HTR2C: variants seen among roughly 807,000 people sequenced by gnomAD.
HTR2C encodes the protein 5-hydroxytryptamine (serotonin) receptor 2C, G protein-coupled.
Under a neutral mutation model 21.0 loss-of-function variants are expected in HTR2C, and 5 were observed. That is an observed-to-expected ratio of 0.24 (90% confidence interval 0.12 to 0.50). HTR2C has a LOEUF of 0.50. Among genes scored for constraint, HTR2C ranks in the 20% least tolerant of loss-of-function variants. The pLI is 0.98. For missense variants in HTR2C, 271 were observed against 371.2 expected (o/e 0.73, Z 2.22); for synonymous variants, 150 against 145.3 (o/e 1.03, Z -0.23).
chrX:114,772,488 G>GC (rs2070015467), intron 4 of HTR2C, among the ~76,000 whole-genome samples: 1 of 6,439 alleles, frequency 1.6e-4, no homozygotes, highest in Admixed American at 3.4e-3. Flanking sequence ...GGGGCGTGGT[G>GC]GGGGGGCCTT....
intron 2 of HTR2C, among the ~76,000 whole-genome samples, chrX:114,702,625 A>G (rs1183614644): frequency 9.9e-5 from 11 of 111,563 alleles, no homozygotes; most frequent in Non-Finnish European, 2.1e-4. Flanking sequence ...TCTAAAGACC[A>G]TCGAGGCTAG....
intron 5 of HTR2C, 21 bp downstream of exon 5, chrX:114,848,224 A>G (rs1602873827): frequency 8.9e-7 from 1 of 1,129,361 alleles, no homozygotes; most frequent in Non-Finnish European, 1.2e-6. Flanking sequence ...CTTTTTGGCC[A>G]TAAGAATTGC....
intron 4 of HTR2C, among the ~76,000 whole-genome samples, chrX:114,834,785 A>G (rs1435481019): frequency 9.6e-6 from 1 of 104,037 alleles, no homozygotes; most frequent in African/African-American, 3.5e-5. Flanking sequence ...TAGTTGATGC[A>G]GTTTCTTCCT....
chrX:114,712,898 T>A (rs1932912497), intron 2 of HTR2C, among the ~76,000 whole-genome samples: 1 of 111,864 alleles, frequency 8.9e-6, no homozygotes, highest in Non-Finnish European at 1.9e-5. Flanking sequence ...GGAAAAGACA[T>A]CATCATTATT....
chrX:114,644,244 G>A (rs1221309735), intron 2 of HTR2C, among the ~76,000 whole-genome samples: 2 of 103,695 alleles, frequency 1.9e-5, no homozygotes, highest in African/African-American at 3.5e-5. Flanking sequence ...TACTCAGGAG[G>A]CTGAGGCAGG....
At chrX:114,798,052 G>A (rs1212698472) in intron 4 of HTR2C, among the ~76,000 whole-genome samples, 1 of 65,513 alleles carries the variant, frequency 1.5e-5, no homozygotes, top group Non-Finnish European at 3.1e-5. Context: ...AGTAGTATTA[G>A]TATTAACATT....
chrX:114,644,834 A>G (rs1328925271), intron 2 of HTR2C, among the ~76,000 whole-genome samples: 1 of 111,057 alleles, frequency 9.0e-6, no homozygotes, highest in Non-Finnish European at 1.9e-5. Context: ...TTAGTTCTTA[A>G]TGCTGAGTTT....
intron 5 of HTR2C, among the ~76,000 whole-genome samples, chrX:114,896,776 C>T (rs1456739752): frequency 8.9e-6 from 1 of 111,906 alleles, no homozygotes; most frequent in Non-Finnish European, 1.9e-5. Flanking sequence ...GATCATCTTT[C>T]TCTTTTATCT....
At chrX:114,663,921 A>T (rs1189745864) in intron 2 of HTR2C, among the ~76,000 whole-genome samples, 10 of 111,643 alleles carry the variant, frequency 9.0e-5, no homozygotes, top group Non-Finnish European at 7.5e-5. Context: ...TCCACTAAAT[A>T]GTTTAGTTTG....
At chrX:114,717,610 T>C (rs1933030485) in intron 2 of HTR2C, 1 of 111,298 alleles carries the variant, frequency 9.0e-6, no homozygotes, top group Non-Finnish European at 1.9e-5. Context: ...GAATAAAAAG[T>C]AGTGTGAGAG....
At chrX:114,722,774 A>G (rs1369145661) in intron 2 of HTR2C, among the ~76,000 whole-genome samples, 5 of 107,770 alleles carry the variant, frequency 4.6e-5, no homozygotes, top group African/African-American at 6.7e-5. Context: ...TGAGATAATC[A>G]TGTGGTTTTT....
At chrX:114,852,824 G>C (rs1460665724) in intron 5 of HTR2C, among the ~76,000 whole-genome samples, 1 of 109,260 alleles carries the variant, frequency 9.2e-6, no homozygotes, top group Non-Finnish European at 1.9e-5. Context: ...ATGTGTGTCT[G>C]TCTTGTGTGT....
rs150332049 is a variant in HTR2C, at chrX:114,824,868, G to A, written c.350-23135G>A. Among the ~76,000 whole-genome samples the A allele has an allele frequency of 7.1e-4, 79 of 111,672 alleles. 1 individual carries two copies. Among genetic ancestry groups the A allele is most frequent in the East Asian group, 5.7e-3 (20 of 3,536 alleles). ...GGGCTTAGTGAATAGTTCAAAAAAC[G>A]TATGGTTTCATATACAAGGACCCCA... is the stretch of plus-strand genomic sequence containing the variant. On this transcript the variant is annotated intron_variant, in intron 4 of 5. Transcript: ENST00000276198.
chrX:114,702,808 G>C (rs1237841482), intron 2 of HTR2C, among the ~76,000 whole-genome samples: 5 of 106,521 alleles, frequency 4.7e-5, no homozygotes, highest in Non-Finnish European at 7.7e-5. Context: ...GCTGTATTCA[G>C]GAAACCCATC....
At chrX:114,633,468 T>C (rs1386882979) in intron 2 of HTR2C, among the ~76,000 whole-genome samples, 1 of 111,504 alleles carries the variant, frequency 9.0e-6, no homozygotes, top group Non-Finnish European at 1.9e-5. Flanking sequence ...TATTTGTTCT[T>C]TGTTACTGTC....
At chrX:114,886,403 C>T in intron 5 of HTR2C, among the ~76,000 whole-genome samples, 1 of 110,424 alleles carries the variant, frequency 9.1e-6, no homozygotes, top group Non-Finnish European at 1.9e-5. Flanking sequence ...TTCTATATGT[C>T]TCATGTCTTT....
At chrX:114,684,917 C>A (rs1931862959) in intron 2 of HTR2C, among the ~76,000 whole-genome samples, 1 of 111,097 alleles carries the variant, frequency 9.0e-6, no homozygotes, top group Non-Finnish European at 1.9e-5. Flanking sequence ...AAGCCTTTTT[C>A]TTGAAGTCTA....
intron 2 of HTR2C, among the ~76,000 whole-genome samples, chrX:114,704,981 C>T (rs1207360329): frequency 9.3e-6 from 1 of 107,384 alleles, no homozygotes; most frequent in Non-Finnish European, 1.9e-5. Flanking sequence ...AATAAAATAC[C>T]TAGGAATCCA....
At chrX:114,878,480 T>C (rs2071156250) in intron 5 of HTR2C, among the ~76,000 whole-genome samples, 1 of 111,045 alleles carries the variant, frequency 9.0e-6, no homozygotes, top group South Asian at 3.7e-4. Context: ...TTTGGTTGCA[T>C]TGAGCTGCTT....
Sources: allele counts gnomAD v4.1 joint callset (sites outside exome capture counted in the v4.1 genomes callset), GRCh38; gene constraint gnomAD v4.1.1; transcripts MANE v1.5; gene names NCBI Gene and HGNC (gene_info 2026-07-23, HGNC 2026-07-21).